PLSCR5: variants seen among roughly 807,000 people sequenced by gnomAD.
PLSCR5 encodes the protein phospholipid scramblase family, member 5.
A neutral mutation model predicts 33.6 loss-of-function variants in PLSCR5; 44 were observed. The observed-to-expected ratio is 1.31, with a 90% CI of 1.03 to 1.69. The LOEUF (loss-of-function observed/expected upper bound fraction) is 1.69. Ranked by LOEUF, PLSCR5 falls within the 40% of genes most tolerant of loss-of-function variation. The pLI, the probability that PLSCR5 is intolerant of heterozygous loss-of-function variation, is 0.00. For synonymous variants in PLSCR5, 148 were observed against 112.3 expected (o/e 1.32, Z -2.01); for missense variants, 375 against 318.7 (o/e 1.18, Z -1.34).
At chr3:146,585,564 T>G (rs937409082), downstream of PLSCR5, among the ~76,000 whole-genome samples, 7 of 152,100 alleles carry the variant, frequency 4.6e-5, no homozygotes, top group African/African-American at 1.7e-4. Flanking sequence ...AGAAAATTAA[T>G]AAACAAAGTA....
chr3:146,592,311 AT>A (rs148347410), intron 4 of PLSCR5, among the ~76,000 whole-genome samples: 1 of 151,782 alleles, frequency 6.6e-6, no homozygotes, highest in Non-Finnish European at 1.5e-5. Flanking sequence ...GAGTATTCAT[AT>A]TTTTTCTCTA....
At chr3:146,585,611 C>A (rs1244069991), downstream of PLSCR5, among the ~76,000 whole-genome samples, 1 of 151,796 alleles carries the variant, frequency 6.6e-6, no homozygotes, top group Non-Finnish European at 1.5e-5. Context: ...TTTAGAAACT[C>A]AGTCCTTTTG....
intron 7 of PLSCR5, among the ~76,000 whole-genome samples, chr3:146,580,139 C>A (rs2044623758): frequency 6.6e-6 from 1 of 152,156 alleles, no homozygotes; most frequent in Non-Finnish European, 1.5e-5. Context: ...TTTATTGTAG[C>A]ACCTGTAACA....
chr3:146,591,659 A>G, intron 5 of PLSCR5, 61 bp downstream of exon 5: 1 of 1,481,892 alleles, frequency 6.7e-7, no homozygotes, highest in African/African-American at 1.4e-5. Context: ...AAAAAATTGA[A>G]TTATGTTGCA....
At chr3:146,591,197 T>C (rs559696325) in intron 5 of PLSCR5, among the ~76,000 whole-genome samples, 6 of 152,064 alleles carry the variant, frequency 3.9e-5, no homozygotes, top group African/African-American at 1.4e-4. Flanking sequence ...ATGTGTCCTG[T>C]GATTCTACAT....
chr3:146,581,638 A>G (rs1452009205), downstream of PLSCR5, among the ~76,000 whole-genome samples: 1 of 152,216 alleles, frequency 6.6e-6, no homozygotes, highest in Non-Finnish European at 1.5e-5. Flanking sequence ...ACTATAGTTA[A>G]TAACAATGTT....
chr3:146,589,608 G>A (rs772785111), intron 6 of PLSCR5, 45 bp downstream of exon 6: 3 of 1,435,642 alleles, frequency 2.1e-6, no homozygotes, highest in African/African-American at 2.8e-5. Flanking sequence ...TAACAAGCAA[G>A]AGGGAGAATA....
chr3:146,594,986 A>G lies in PLSCR5; in HGVS notation c.232+55T>C, dbSNP rs563940457. On this transcript the variant is annotated intron_variant, in intron 3 of 7. Transcript: ENST00000443512. The stretch of plus-strand genomic sequence containing the variant: ...ATTTAGATGCAAAGAAACTTCTGAA[A>G]ACTAAAATATTTTCAATAGTTTTAA... The G allele has an allele frequency of 4.3e-6, 5 of 1,160,066 alleles. No homozygotes were observed. The South Asian group carries it at 1.0e-4, about 24-fold the overall frequency. 71.9% of individuals were successfully genotyped at this position (1,160,066 alleles called of 1,614,324 possible).
downstream of PLSCR5, among the ~76,000 whole-genome samples, chr3:146,582,950 C>T (rs2044641764): frequency 6.6e-6 from 1 of 152,084 alleles, no homozygotes; most frequent in African/African-American, 2.4e-5. Flanking sequence ...CTGTGGCTTC[C>T]ACCCAGAAGT....
intron 4 of PLSCR5, among the ~76,000 whole-genome samples, chr3:146,592,783 A>G (rs556235379): frequency 2.6e-4 from 39 of 152,236 alleles, no homozygotes; most frequent in Admixed American, 3.9e-4. Context: ...TTATCAAGTA[A>G]TATATTATGT....
chr3:146,597,312 A>C (rs951208859), intron 2 of PLSCR5, among the ~76,000 whole-genome samples: 4 of 152,138 alleles, frequency 2.6e-5, no homozygotes, highest in African/African-American at 9.7e-5. Flanking sequence ...CAGAGAGATA[A>C]ATATCATTAA....
At chr3:146,601,342 T>G (rs1182183950) in intron 1 of PLSCR5, among the ~76,000 whole-genome samples, 1 of 151,938 alleles carries the variant, frequency 6.6e-6, no homozygotes, top group Non-Finnish European at 1.5e-5. Flanking sequence ...CACTTGGATA[T>G]CTCTCTCATT....
chr3:146,603,425 G>A (rs1355850938), intron 1 of PLSCR5, among the ~76,000 whole-genome samples: 2 of 152,060 alleles, frequency 1.3e-5, no homozygotes, highest in African/African-American at 4.8e-5. Context: ...TCTCTAATAG[G>A]TGTTTTATCC....
chr3:146,586,890 T>A (rs977001410), intron 6 of PLSCR5, among the ~76,000 whole-genome samples: 2 of 152,196 alleles, frequency 1.3e-5, no homozygotes, highest in African/African-American at 4.8e-5. Context: ...AAGTAATTTA[T>A]CTTGGTAATA....
chr3:146,585,889 A>G lies in PLSCR5; in HGVS notation c.*98T>C. 1.9e-6 allele frequency: 1 copy of G among 517,148 alleles called. No homozygotes were observed. Among genetic ancestry groups the G allele is most frequent in the Non-Finnish European group, 3.1e-6 (1 of 325,066 alleles). The allele number at this position is 517,148 out of a possible 1,614,324, so 32.0% of individuals were successfully genotyped here. ...ATAATAATTAACATTTTTTTTTAACAAAAAAGCAAACATTCAAACCATTCA... is the reference window on the plus strand; with the variant it reads ...ATAATAATTAACATTTTTTTTTAACGAAAAAGCAAACATTCAAACCATTCA... On this transcript the variant is annotated 3_prime_UTR_variant, in exon 8 of 8. Coordinates refer to ENST00000443512, the MANE Select transcript of PLSCR5 (RefSeq NM_001085420.2).
chr3:146,580,279 A>C (rs2044624593), intron 7 of PLSCR5, among the ~76,000 whole-genome samples: 1 of 152,014 alleles, frequency 6.6e-6, no homozygotes, highest in Admixed American at 6.6e-5. Context: ...CGAAATGCCA[A>C]GTTTTGTCAA....
At chr3:146,598,914 A>G (rs1016123508) in intron 2 of PLSCR5, among the ~76,000 whole-genome samples, 4 of 152,230 alleles carry the variant, frequency 2.6e-5, no homozygotes, top group Admixed American at 1.3e-4. Context: ...TTTCCCAGGA[A>G]CATATGCTGC....
At chr3:146,580,398 C>T (rs76415204) in intron 7 of PLSCR5, among the ~76,000 whole-genome samples, 1,621 of 148,332 alleles carry the variant, frequency 0.011, 26 homozygotes, top group African/African-American at 0.038. Context: ...TCCATACTGG[C>T]TTCCTGTGCT....
downstream of PLSCR5, among the ~76,000 whole-genome samples, chr3:146,582,724 G>A (rs1232702756): frequency 3.3e-5 from 5 of 152,182 alleles, no homozygotes; most frequent in South Asian, 6.2e-4. Context: ...AAGGCCACCA[G>A]GTTAAAAGGA....
Sources: allele counts gnomAD v4.1 joint callset (sites outside exome capture counted in the v4.1 genomes callset), GRCh38; gene constraint gnomAD v4.1.1; transcripts MANE v1.5; gene names NCBI Gene and HGNC (gene_info 2026-07-23, HGNC 2026-07-21).